The following PSMA1 variants were observed in gnomAD, a reference collection of about 807,000 sequenced individuals.
PSMA1 encodes the protein proteasome 20S subunit alpha 1.
PSMA1 carries 3 observed loss-of-function variants against 38.4 expected under a neutral mutation model. The ratio of observed to expected loss-of-function variants is 0.08; its 90% CI spans 0.04 to 0.20. PSMA1 has a LOEUF of 0.20. Among genes scored for constraint, PSMA1 ranks in the 10% least tolerant of loss-of-function variants. PSMA1 has a pLI of 1.00. For synonymous variants in PSMA1, 101 were observed against 107.1 expected (o/e 0.94, Z 0.35); for missense variants, 227 against 325.3 (o/e 0.70, Z 2.32).
intron 2 of PSMA1, among the ~76,000 whole-genome samples, chr11:14,592,004 C>G (rs1417460531): frequency 1.3e-5 from 2 of 151,770 alleles, no homozygotes; most frequent in African/African-American, 4.8e-5. Flanking sequence ...CTGAGCCCAG[C>G]GAGACCATGA....
chr11:14,637,662 T>G (rs1000137634), intron 1 of PSMA1, among the ~76,000 whole-genome samples: 1 of 152,260 alleles, frequency 6.6e-6, no homozygotes, highest in Non-Finnish European at 1.5e-5. Flanking sequence ...CAGAATGAGA[T>G]CTAAGATATG....
chr11:14,545,676 G>A (rs1851818375), intron 2 of PSMA1, among the ~76,000 whole-genome samples: 2 of 152,096 alleles, frequency 1.3e-5, no homozygotes, highest in Admixed American at 1.3e-4. Flanking sequence ...TAAATTATAA[G>A]GTATAGCAGT....
At chr11:14,508,566 A>AAAAAAAAAAAAC (rs1851287357) in intron 8 of PSMA1, among the ~76,000 whole-genome samples, 1 of 148,976 alleles carries the variant, frequency 6.7e-6, no homozygotes, top group African/African-American at 2.4e-5. Flanking sequence ...CATCTCAAAA[A>AAAAAAAAAAAAC]AAAAAAAAAA....
At chr11:14,627,806 T>C (rs905549713) in intron 1 of PSMA1, among the ~76,000 whole-genome samples, 3 of 152,326 alleles carry the variant, frequency 2.0e-5, no homozygotes, top group African/African-American at 7.2e-5. Flanking sequence ...TTTTATGCCT[T>C]TTTTCTTCCT....
intron 2 of PSMA1, among the ~76,000 whole-genome samples, chr11:14,535,277 C>T (rs1467486809): frequency 2.0e-5 from 3 of 151,702 alleles, no homozygotes; most frequent in African/African-American, 7.3e-5. Context: ...TAATTTTCCT[C>T]CCTCAGTGTG....
intron 2 of PSMA1, among the ~76,000 whole-genome samples, chr11:14,579,875 G>A (rs1472735043): frequency 1.3e-5 from 2 of 152,178 alleles, no homozygotes; most frequent in African/African-American, 4.8e-5. Context: ...ACATGTGTTT[G>A]AGAATTGCTT....
intron 2 of PSMA1, among the ~76,000 whole-genome samples, chr11:14,527,083 A>C (rs1455342903): frequency 6.6e-6 from 1 of 152,218 alleles, no homozygotes; most frequent in Non-Finnish European, 1.5e-5. Flanking sequence ...AAGGTCCTCC[A>C]TCATTAATGC....
chr11:14,556,858 G>A (rs1478299657), intron 2 of PSMA1, among the ~76,000 whole-genome samples: 1 of 152,080 alleles, frequency 6.6e-6, no homozygotes, highest in Non-Finnish European at 1.5e-5. Context: ...CTATAGAACT[G>A]GGGGACTTGC....
chr11:14,565,120 G>A (rs532335974), intron 2 of PSMA1, among the ~76,000 whole-genome samples: 1 of 152,228 alleles, frequency 6.6e-6, no homozygotes, highest in African/African-American at 2.4e-5. Context: ...TGGGTGACTT[G>A]TGGTTGCATT....
intron 2 of PSMA1, among the ~76,000 whole-genome samples, chr11:14,560,054 C>A (rs574140049): frequency 6.6e-6 from 1 of 152,260 alleles, no homozygotes; most frequent in East Asian, 1.9e-4. Context: ...TATGGGCTAC[C>A]TATGAACTTG....
intron 2 of PSMA1, among the ~76,000 whole-genome samples, chr11:14,602,507 T>C (rs1328778777): frequency 6.6e-6 from 1 of 152,134 alleles, no homozygotes; most frequent in African/African-American, 2.4e-5. Flanking sequence ...TTTCTATATA[T>C]GTATATGTAT....
At chr11:14,626,968 C>A (rs915721229) in intron 1 of PSMA1, among the ~76,000 whole-genome samples, 1 of 152,140 alleles carries the variant, frequency 6.6e-6, no homozygotes, top group Non-Finnish European at 1.5e-5. Context: ...AGTTCAAGAT[C>A]AAGGTGCTGG....
At chr11:14,589,286 C>CT (rs1258682696) in intron 2 of PSMA1, among the ~76,000 whole-genome samples, 27 of 150,266 alleles carry the variant, frequency 1.8e-4, no homozygotes, top group Admixed American at 3.3e-4. Context: ...TTTCCTTTTC[C>CT]TTTTTGTTTT....
chr11:14,519,087 A>G (rs764040194), intron 1 of PSMA1, 46 bp from the exon 2 acceptor site: 1 of 1,400,624 alleles, frequency 7.1e-7, no homozygotes, highest in South Asian at 1.2e-5. Flanking sequence ...GAACATTTCA[A>G]ATCCCAACTC....
chr11:14,568,017 T>C (rs1195310656), intron 2 of PSMA1, among the ~76,000 whole-genome samples: 2 of 152,166 alleles, frequency 1.3e-5, no homozygotes, highest in Non-Finnish European at 2.9e-5. Flanking sequence ...TAAAACTAGG[T>C]TATGTATTGA....
At chr11:14,642,545 A>G (rs911304233) in intron 1 of PSMA1, among the ~76,000 whole-genome samples, 1 of 152,216 alleles carries the variant, frequency 6.6e-6, no homozygotes, top group Non-Finnish European at 1.5e-5. Flanking sequence ...GTTTTAGGTC[A>G]TGACTGTGGG....
chr11:14,635,413 G>A (rs187630018), intron 1 of PSMA1, among the ~76,000 whole-genome samples: 5 of 152,214 alleles, frequency 3.3e-5, no homozygotes, highest in Non-Finnish European at 5.9e-5. Flanking sequence ...ACTGGGAACA[G>A]TCCAAGCATA....
intron 2 of PSMA1, among the ~76,000 whole-genome samples, chr11:14,545,125 G>C (rs951334444): frequency 6.6e-6 from 1 of 152,166 alleles, no homozygotes; most frequent in Non-Finnish European, 1.5e-5. Context: ...TCTGTGATTA[G>C]AGCCAGTGGA....
intron 2 of PSMA1, among the ~76,000 whole-genome samples, chr11:14,590,699 G>A (rs541258628): frequency 1.3e-5 from 2 of 152,272 alleles, no homozygotes; most frequent in Middle Eastern, 3.4e-3. Context: ...AGATCGTAGC[G>A]GGGTCCAGTC....
Sources: allele counts gnomAD v4.1 joint callset (sites outside exome capture counted in the v4.1 genomes callset), GRCh38; gene constraint gnomAD v4.1.1; transcripts MANE v1.5; gene names NCBI Gene and HGNC (gene_info 2026-07-23, HGNC 2026-07-21).